The following MAGI2 variants were observed in gnomAD, a reference collection of about 807,000 sequenced individuals.
The protein encoded by MAGI2 is membrane-associated guanylate kinase, WW and PDZ domain-containing protein 2.
Under a neutral mutation model 133.3 loss-of-function variants are expected in MAGI2, and 35 were observed. The observed-to-expected ratio is 0.26, with a 90% CI of 0.20 to 0.35. The LOEUF (loss-of-function observed/expected upper bound fraction) is 0.35. Ranked by LOEUF, MAGI2 falls within the 10% of genes least tolerant of loss-of-function variation. The probability of loss-of-function intolerance (pLI) is 1.00; values close to 1 mark genes in which losing one functional copy is unlikely to be tolerated. For synonymous variants in MAGI2, 729 were observed against 710.6 expected, an observed-to-expected ratio of 1.03 and a Z score of -0.41; for missense variants, 1,636 against 1,863.4, an observed-to-expected ratio of 0.88 and a Z score of 2.25.
At chr7:78,191,194 C>T (rs1287087568) in intron 12 of MAGI2, among the ~76,000 whole-genome samples, 1 of 150,192 alleles carries the variant, frequency 6.7e-6, no homozygotes, top group Non-Finnish European at 1.5e-5. Flanking sequence ...TAAGTTTAAG[C>T]TTATATGGAA....
chr7:78,718,545 G>T (rs918957624), intron 2 of MAGI2, among the ~76,000 whole-genome samples: 1 of 151,696 alleles, frequency 6.6e-6, no homozygotes, highest in Non-Finnish European at 1.5e-5. Context: ...GAATGTGAGG[G>T]GTGTAGGTTG....
intron 2 of MAGI2, among the ~76,000 whole-genome samples, chr7:78,960,686 A>C (rs1380747099): frequency 6.6e-6 from 1 of 152,182 alleles, no homozygotes. Flanking sequence ...GTATATTATC[A>C]GTCTTTTACA....
chr7:79,096,135 G>A (rs936426185), intron 1 of MAGI2, among the ~76,000 whole-genome samples: 15 of 152,228 alleles, frequency 9.9e-5, no homozygotes, highest in African/African-American at 3.1e-4. Flanking sequence ...TGAATATGGT[G>A]TTGCTGGGAG....
At chr7:78,448,249 GT>G (rs908927013) in intron 6 of MAGI2, among the ~76,000 whole-genome samples, 2 of 152,088 alleles carry the variant, frequency 1.3e-5, no homozygotes, top group East Asian at 3.9e-4. Context: ...GAAATGCAAA[GT>G]TTTTTTGACA....
intron 2 of MAGI2, among the ~76,000 whole-genome samples, chr7:78,967,109 T>A (rs543388171): frequency 0.026 from 3,966 of 151,980 alleles, 171 homozygotes; most frequent in African/African-American, 0.09. Context: ...GTCTAACTTT[T>A]TTTTTAAATT....
chr7:78,845,105 G>C (rs894442319), intron 2 of MAGI2, among the ~76,000 whole-genome samples: 1 of 151,850 alleles, frequency 6.6e-6, no homozygotes, highest in African/African-American at 2.4e-5. Flanking sequence ...GGAAACTTGA[G>C]GTTTTAACCA....
intron 1 of MAGI2, among the ~76,000 whole-genome samples, chr7:79,093,737 G>A (rs1317267047): frequency 1.5e-5 from 2 of 132,084 alleles, no homozygotes; most frequent in African/African-American, 3.2e-5. Context: ...TTTTTTAGAT[G>A]GAGTTTTGTT....
At chr7:78,079,239 G>A (rs929105515) in intron 20 of MAGI2, among the ~76,000 whole-genome samples, 154 bp from the exon 21 acceptor site, 10 of 152,176 alleles carry the variant, frequency 6.6e-5, no homozygotes, top group Non-Finnish European at 1.5e-4. Flanking sequence ...TTCCCTGGCT[G>A]CATCCTGAAT....
At chr7:78,031,982 G>A (rs117301716) in intron 21 of MAGI2, among the ~76,000 whole-genome samples, 242 of 146,840 alleles carry the variant, frequency 1.6e-3, no homozygotes, top group Non-Finnish European at 2.7e-3. Flanking sequence ...CCCCAACAGT[G>A]TGTCCCCAGG....
rs187981263 is a variant in MAGI2 at position 78,607,513 on chromosome 7, A to G, written c.538+19607T>C. On this transcript the variant is annotated intron_variant, in intron 3 of 21. Transcript: ENST00000354212. ...AAGTCAAACTTAAAAAAAAAAAAAA[A>G]AGAGAGTCTCTGTAAAATGTACTGC... Among the ~76,000 whole-genome samples, 1,332 of 150,224 alleles carry G rather than the reference A, an allele frequency of 8.9e-3. 23 individuals carry two copies. Among genetic ancestry groups the G allele is most frequent in the African/African-American group, 0.028 (1,155 of 41,270 alleles).
chr7:78,255,585 C>G (rs1353795667), intron 10 of MAGI2: 1 of 459,454 alleles, frequency 2.2e-6, no homozygotes, highest in East Asian at 4.3e-5. Flanking sequence ...AAGCAGGTTT[C>G]TTAATTAAAT....
chr7:78,372,262 A>G, intron 6 of MAGI2, among the ~76,000 whole-genome samples: 1 of 152,170 alleles, frequency 6.6e-6, no homozygotes. Flanking sequence ...TTATACACTG[A>G]AGAGTACACA....
intron 9 of MAGI2, among the ~76,000 whole-genome samples, chr7:78,294,146 T>A (rs1398811568): frequency 6.6e-6 from 1 of 152,172 alleles, no homozygotes; most frequent in African/African-American, 2.4e-5. Flanking sequence ...TATTTCAATA[T>A]CATTTTTTCA....
chr7:79,167,820 C>T (rs1243918946), intron 1 of MAGI2, among the ~76,000 whole-genome samples: 3 of 152,096 alleles, frequency 2.0e-5, no homozygotes, highest in Non-Finnish European at 4.4e-5. Context: ...CCAAAACTGG[C>T]CATAAACAAA....
chr7:78,712,437 A>G (rs1372499662), intron 2 of MAGI2, among the ~76,000 whole-genome samples: 2 of 152,202 alleles, frequency 1.3e-5, no homozygotes, highest in South Asian at 2.1e-4. Context: ...ACCTCTGTCA[A>G]TTGCATTTAT....
At chr7:79,191,212 T>C (rs920998775) in intron 1 of MAGI2, among the ~76,000 whole-genome samples, 1 of 151,694 alleles carries the variant, frequency 6.6e-6, no homozygotes, top group Middle Eastern at 3.4e-3. Flanking sequence ...TTCCCATGTA[T>C]ATCCCATTTT....
At chr7:79,251,216 C>T (rs1377748556) in intron 1 of MAGI2, among the ~76,000 whole-genome samples, 1 of 151,740 alleles carries the variant, frequency 6.6e-6, no homozygotes, top group African/African-American at 2.4e-5. Context: ...CACAGACATC[C>T]AAAGAAAAAA....
chr7:78,033,486 A>AAAG (rs1554412329), intron 21 of MAGI2, among the ~76,000 whole-genome samples: 2 of 145,824 alleles, frequency 1.4e-5, no homozygotes, highest in African/African-American at 5.1e-5. Flanking sequence ...AAAAAAAAAA[A>AAAG]AAAAAAGAAA....
chr7:78,211,263 A>G (rs567251222), intron 10 of MAGI2, among the ~76,000 whole-genome samples: 1 of 152,268 alleles, frequency 6.6e-6, no homozygotes, highest in East Asian at 1.9e-4. Flanking sequence ...GAGGGATGGG[A>G]CTAGACAGGA....
Sources: allele counts gnomAD v4.1 joint callset (sites outside exome capture counted in the v4.1 genomes callset), GRCh38; gene constraint gnomAD v4.1.1; transcripts MANE v1.5; gene names NCBI Gene and HGNC (gene_info 2026-07-23, HGNC 2026-07-21).